Variants in MASP1 observed in about 807,000 individuals in gnomAD.
The protein encoded by MASP1 is MBL associated serine protease 1, also known as mannan-binding lectin serine protease 1.
In MASP1, 59 loss-of-function variants were observed where a neutral mutation model predicts 77.1. That is an observed-to-expected ratio of 0.77 (90% CI 0.62 to 0.95). MASP1 has a LOEUF of 0.95. MASP1 is among the 40% of genes least tolerant of loss of function. The pLI is 0.00. For synonymous variants in MASP1, 362 were observed against 354.5 expected (o/e 1.02, Z -0.24); for missense variants, 885 against 912.9 (o/e 0.97, Z 0.39).
rs771256348 is a variant in MASP1, at chr3:187,235,908, C to T, written c.1963G>A (p.Gly655Ser). The change falls in exon 11 of 11, where the codon GGC becomes AGC. Residue 655 changes from glycine to serine, a missense_variant. Coordinates refer to ENST00000296280, the MANE Select transcript of MASP1 (RefSeq NM_139125.4). ...ENMFCAGYYE[G>S]GKDTCLGDSG... Reference sequence around the variant, plus strand: ...TCTCCAAGGCACGTGTCTTTGCCGCCCTCGTAGTAGCCAGCACAGAACATG... The same window carrying T: ...TCTCCAAGGCACGTGTCTTTGCCGCTCTCGTAGTAGCCAGCACAGAACATG... 2.5e-6 allele frequency: 4 copies of T among 1,614,230 alleles called. No homozygotes were observed. The highest frequency in any genetic ancestry group is 3.4e-6 in the Non-Finnish European group (4 of 1,180,038).
chr3:187,221,441 G>A (rs1712055588), intron 14 of MASP1, among the ~76,000 whole-genome samples: 2 of 152,206 alleles, frequency 1.3e-5, no homozygotes, highest in South Asian at 2.1e-4. Context: ...CCTAGGAGAT[G>A]TATTAGTCAA....
chr3:187,254,296 A>G (rs1969374), intron 5 of MASP1, among the ~76,000 whole-genome samples: 30,713 of 152,230 alleles, frequency 0.2, 3,813 homozygotes, highest in South Asian at 0.33. Flanking sequence ...ATAATAGATA[A>G]TAACTTTAGG....
At chr3:187,284,080 G>A (rs1014349937) in intron 2 of MASP1, among the ~76,000 whole-genome samples, 10 of 152,172 alleles carry the variant, frequency 6.6e-5, no homozygotes, top group East Asian at 1.9e-4. Flanking sequence ...TGTAGAAATC[G>A]CATCTAGATT....
At position 187,291,719 on chromosome 3, in the gene MASP1, G is replaced by A. The variant is rs1410378955; in HGVS notation, c.-87C>T. ...AGCTCGTGCCCGGTGTGGTGTCCGT[G>A]ATGCCTTATCTTTGTTCTGAGGTCC... On this transcript the variant is annotated 5_prime_UTR_variant, in exon 1 of 11. Transcript: ENST00000296280. 2 of 1,517,560 alleles carry A rather than the reference G, an allele frequency of 1.3e-6. No individual in the cohort carries two copies. Among genetic ancestry groups the A allele is most frequent in the Non-Finnish European group, 1.8e-6 (2 of 1,092,082 alleles). 94.0% of individuals were successfully genotyped at this position (1,517,560 alleles called of 1,614,324 possible).
intron 2 of MASP1, among the ~76,000 whole-genome samples, chr3:187,264,454 T>G (rs1263431791): frequency 1.3e-5 from 2 of 150,856 alleles, no homozygotes; most frequent in Non-Finnish European, 3.0e-5. Flanking sequence ...TAACTAAAAA[T>G]TTTCTTTTTG....
chr3:187,282,841 T>C (rs1235475800), intron 2 of MASP1, among the ~76,000 whole-genome samples: 1 of 152,142 alleles, frequency 6.6e-6, no homozygotes, highest in Non-Finnish European at 1.5e-5. Context: ...CTATCTCACC[T>C]CCCGCCGCCA....
chr3:187,280,515 C>A (rs1473006426), intron 2 of MASP1, among the ~76,000 whole-genome samples: 2 of 152,160 alleles, frequency 1.3e-5, no homozygotes, highest in Non-Finnish European at 2.9e-5. Flanking sequence ...ATAACTATAG[C>A]TTCATAGTTT....
chr3:187,225,421 T>A (rs28945072), exon 13 of MASP1: 40 of 1,614,098 alleles, frequency 2.5e-5, no homozygotes, highest in Non-Finnish European at 3.1e-5. Context: ...CATTCTCGAA[T>A]GTGTTGGGAT....
exon 16 of MASP1, chr3:187,219,808 C>T (rs1440907330): frequency 4.8e-5 from 25 of 520,314 alleles, no homozygotes; most frequent in Admixed American, 4.8e-4. Flanking sequence ...AACTGAAGTT[C>T]GAAGAGATGA....
intron 10 of MASP1, among the ~76,000 whole-genome samples, chr3:187,239,336 G>A (rs1370658766): frequency 6.6e-6 from 1 of 152,120 alleles, no homozygotes; most frequent in East Asian, 1.9e-4. Flanking sequence ...TGGGCAACAA[G>A]AGCGAAACTC....
At chr3:187,223,257 G>C in intron 13 of MASP1, 4 of 1,277,464 alleles carry the variant, frequency 3.1e-6, no homozygotes, top group Non-Finnish European at 2.3e-6. Flanking sequence ...GAGGGGTGCA[G>C]CTTGCAGCTC....
At chr3:187,244,568 G>A (rs1713927160) in intron 8 of MASP1, 1 of 152,230 alleles carries the variant, frequency 6.6e-6, no homozygotes, top group South Asian at 2.1e-4. Flanking sequence ...GAAACCTGAA[G>A]TAGGCAATCT....
intron 1 of MASP1, among the ~76,000 whole-genome samples, chr3:187,290,395 G>C (rs142872126): frequency 1.1e-3 from 170 of 152,320 alleles, no homozygotes; most frequent in Admixed American, 1.0e-2. Context: ...TTTGATATGG[G>C]CTGGGGCACT....
chr3:187,235,481 C>T lies in MASP1; in HGVS notation c.*203G>A, dbSNP rs1374385169. 2 of 1,523,940 alleles carry T rather than the reference C, an allele frequency of 1.3e-6. No individual in the cohort carries two copies. Among genetic ancestry groups the T allele is most frequent in the Non-Finnish European group, 1.8e-6 (2 of 1,140,798 alleles). The allele number at this position is 1,523,940 out of a possible 1,614,324, so 94.4% of individuals were successfully genotyped here. A position where few individuals can be genotyped will look rare whatever the true frequency, so the allele number is the denominator to read the frequency against. ...ACAGGGAAAGAGACTTGGACAAGCT[C>T]AGGAACACAGGTCTCCTGCCTGGAG... is the stretch of plus-strand genomic sequence containing the variant. On this transcript the variant is annotated 3_prime_UTR_variant, in exon 11 of 11. Transcript: ENST00000296280.
intron 4 of MASP1, among the ~76,000 whole-genome samples, chr3:187,260,273 T>C (rs1396935364): frequency 6.6e-6 from 1 of 152,224 alleles, no homozygotes; most frequent in East Asian, 1.9e-4. Context: ...TGGGAAGTTT[T>C]CTGGCTGTTT....
chr3:187,240,680 G>A (rs1445405799), intron 10 of MASP1, among the ~76,000 whole-genome samples: 1 of 152,104 alleles, frequency 6.6e-6, no homozygotes. Flanking sequence ...CACCCAGGCT[G>A]GAGTGCAATG....
intron 5 of MASP1, among the ~76,000 whole-genome samples, chr3:187,255,411 C>T (rs1204400080): frequency 1.3e-5 from 2 of 152,196 alleles, no homozygotes; most frequent in Admixed American, 1.3e-4. Context: ...GATTCTTCTC[C>T]AGAGCCTCTA....
intron 2 of MASP1, among the ~76,000 whole-genome samples, chr3:187,278,549 T>G (rs1184955973): frequency 6.6e-6 from 1 of 152,216 alleles, no homozygotes; most frequent in Non-Finnish European, 1.5e-5. Flanking sequence ...GTCTCAAAAT[T>G]TAGACCAGCA....
rs368182010 is a variant in MASP1, at chr3:187,290,601, G to C, written c.5+1027C>G. 3.9e-5 allele frequency among the ~76,000 whole-genome samples: 6 copies of C among 152,246 alleles called. No individual in the cohort carries two copies. In the East Asian group the frequency reaches 9.6e-4, roughly 24 times the overall value. ...GACCTGGTTATCTCTCTGAACCACA[G>C]GTAATCGGAGTTCAAAGAGTTAACA... On this transcript the variant is annotated intron_variant, in intron 1 of 10. Transcript: ENST00000296280.
Sources: allele counts gnomAD v4.1 joint callset (sites outside exome capture counted in the v4.1 genomes callset), GRCh38; gene constraint gnomAD v4.1.1; transcripts MANE v1.5; gene names NCBI Gene and HGNC (gene_info 2026-07-23, HGNC 2026-07-21).